CUX1: variants seen among roughly 807,000 people sequenced by gnomAD.
The protein encoded by CUX1 is protein CASP.
In CUX1, 31 loss-of-function variants were observed where a neutral mutation model predicts 158.8. The ratio of observed to expected loss-of-function variants is 0.20; its 90% CI spans 0.15 to 0.26. The LOEUF is 0.26. CUX1 is among the 10% of genes least tolerant of loss of function. The probability of loss-of-function intolerance (pLI) is 1.00; values close to 1 mark genes in which losing one functional copy is unlikely to be tolerated. For synonymous variants in CUX1, 879 were observed against 862.1 expected, an observed-to-expected ratio of 1.02 and a Z score of -0.34; for missense variants, 1,589 against 2,014.6, an observed-to-expected ratio of 0.79 and a Z score of 4.04.
At chr7:102,026,184 A>C (rs1178332887) in intron 2 of CUX1, among the ~76,000 whole-genome samples, 2 of 152,092 alleles carry the variant, frequency 1.3e-5, no homozygotes, top group Non-Finnish European at 2.9e-5. Flanking sequence ...GTCTCAAAAA[A>C]ACAAAAGCTT....
rs369812313 is a variant in CUX1 at position 101,830,903 on chromosome 7, G to A, written c.30+13234G>A. On this transcript the variant is annotated intron_variant, in intron 1 of 23. Transcript: ENST00000292535. The stretch of plus-strand genomic sequence containing the variant: ...TTCGAGTGAAGTTGTTGGCAGTTCC[G>A]TGTGTTTTGGGGTGATTCATTTTTT... Among the ~76,000 whole-genome samples, 311 of 152,236 alleles carry A rather than the reference G, an allele frequency of 2.0e-3. 2 individuals are homozygous for A. Among genetic ancestry groups the A allele is most frequent in the African/African-American group, 7.2e-3 (298 of 41,534 alleles).
At chr7:102,133,959 A>T (rs1353719042) in intron 8 of CUX1, among the ~76,000 whole-genome samples, 13 of 152,130 alleles carry the variant, frequency 8.5e-5, no homozygotes, top group African/African-American at 3.1e-4. Flanking sequence ...ATTCATCACT[A>T]CTTCAAAATG....
exon 20 of CUX1, chr7:102,280,815 G>T (rs782342345): frequency 1.9e-6 from 3 of 1,613,000 alleles, no homozygotes; most frequent in African/African-American, 2.7e-5. Flanking sequence ...AGCGGCAGAG[G>T]AAGTACCTGA....
rs1554510055 is a variant in CUX1 at position 102,170,411 on chromosome 7, G to T, written c.724-35G>T. 2.8e-6 allele frequency: 4 copies of T among 1,408,094 alleles called. No individual in the cohort carries two copies. In the Admixed American group the frequency reaches 8.2e-5, roughly 29 times the overall value. The allele number at this position is 1,408,094 out of a possible 1,614,324, so 87.2% of individuals were successfully genotyped here. ...ATAATTGTCAGTTGTTAAACTGAAT[G>T]TACTTTCTCTTTCACCCCTTTTCAT... On this transcript the variant is annotated intron_variant, in intron 9 of 23. Coordinates refer to ENST00000292535, the MANE Select transcript of CUX1 (RefSeq NM_181552.4).
At chr7:101,899,609 G>C (rs1478697554) in intron 1 of CUX1, among the ~76,000 whole-genome samples, 2 of 152,182 alleles carry the variant, frequency 1.3e-5, no homozygotes, top group Non-Finnish European at 2.9e-5. Flanking sequence ...CAGGTATAGA[G>C]AGATGTCCTT....
intron 2 of CUX1, among the ~76,000 whole-genome samples, chr7:101,988,210 CAA>C (rs5886211): frequency 1.4e-5 from 2 of 146,448 alleles, no homozygotes; most frequent in Non-Finnish European, 3.0e-5. Context: ...GAATCTGTTT[CAA>C]AAAAAAAAAG....
intron 17 of CUX1, among the ~76,000 whole-genome samples, chr7:102,200,646 T>C (rs1485931597): frequency 1.3e-5 from 2 of 149,836 alleles, no homozygotes; most frequent in African/African-American, 4.9e-5. Context: ...TGGCCCCTAG[T>C]TGTAATTATT....
At chr7:102,193,214 T>C (rs1184792400) in intron 12 of CUX1, among the ~76,000 whole-genome samples, 1 of 152,262 alleles carries the variant, frequency 6.6e-6, no homozygotes, top group Non-Finnish European at 1.5e-5. Context: ...CTCTGGCTTC[T>C]CCTTACAACT....
At chr7:101,977,946 A>G (rs890345740) in intron 2 of CUX1, among the ~76,000 whole-genome samples, 5 of 151,610 alleles carry the variant, frequency 3.3e-5, no homozygotes, top group Admixed American at 3.3e-4. Context: ...AGAGCAGACC[A>G]CTTTCCCCTT....
chr7:101,821,488 G>A (rs1431039683), intron 1 of CUX1, among the ~76,000 whole-genome samples: 4 of 151,172 alleles, frequency 2.6e-5, no homozygotes. Flanking sequence ...ACAGGCGCTG[G>A]CCACCAGGCC....
intron 2 of CUX1, among the ~76,000 whole-genome samples, chr7:101,992,018 T>A (rs2129244608): frequency 6.6e-6 from 1 of 152,282 alleles, no homozygotes; most frequent in African/African-American, 2.4e-5. Flanking sequence ...ATAGTGAGAT[T>A]CCGTTTCAAA....
intron 2 of CUX1, among the ~76,000 whole-genome samples, chr7:101,971,242 G>A (rs1277053257): frequency 6.6e-6 from 1 of 152,186 alleles, no homozygotes; most frequent in East Asian, 1.9e-4. Flanking sequence ...CTCCTGGCTG[G>A]TTGTGTTCTG....
At chr7:102,073,300 C>T (rs1050990678) in intron 4 of CUX1, among the ~76,000 whole-genome samples, 8 of 150,464 alleles carry the variant, frequency 5.3e-5, no homozygotes, top group Non-Finnish European at 1.2e-4. Flanking sequence ...CAGCCTCCCA[C>T]ATAGCTGTGA....
Position 102,248,822 on chromosome 7 carries a change from C to G in CUX1, c.4298C>G (p.Ala1433Gly), listed in dbSNP as rs782643537. The change falls in exon 24 of 24, where the codon GCG becomes GGG. Residue 1433 changes from alanine to glycine, a missense_variant. Coordinates refer to ENST00000292535, the MANE Select transcript of CUX1 (RefSeq NM_181552.4). This position sits in a 1 kb window ranked among gnomAD's most constrained non-coding sequence, Gnocchi z 5.8. ...SAAAAPGEGP[A>G]APSSAPPPSN... ...GCCGCCGCGCCGGGGGAGGGCCCCGCGGCCCCGAGCTCCGCGCCGCCGCCC... is the reference window on the plus strand; with the variant it reads ...GCCGCCGCGCCGGGGGAGGGCCCCGGGGCCCCGAGCTCCGCGCCGCCGCCC... 1.4e-4 allele frequency: 158 copies of G among 1,148,476 alleles called. 2 individuals are homozygous for G. In the Middle Eastern group the frequency reaches 3.7e-3, roughly 27 times the overall value. The allele number at this position is 1,148,476 out of a possible 1,614,324, so 71.1% of individuals were successfully genotyped here.
chr7:101,954,601 G>C (rs1163710720), intron 2 of CUX1, among the ~76,000 whole-genome samples: 1 of 151,702 alleles, frequency 6.6e-6, no homozygotes, highest in Non-Finnish European at 1.5e-5. Context: ...TTGAGTGCAG[G>C]AGTTTGAGAC....
intron 1 of CUX1, among the ~76,000 whole-genome samples, chr7:101,856,182 CAAAAAAAAAAAAA>C (rs768518044): frequency 2.1e-5 from 1 of 48,040 alleles, no homozygotes; most frequent in Non-Finnish European, 4.2e-5. Context: ...GACCCTGTCT[CAAAAAAAAAAAAA>C]AAAAAAAAAA....
intron 2 of CUX1, among the ~76,000 whole-genome samples, chr7:102,010,004 G>C (rs1045053571): frequency 2.0e-5 from 3 of 152,116 alleles, no homozygotes; most frequent in Non-Finnish European, 4.4e-5. Flanking sequence ...ATGAAAGAAA[G>C]GTTGCTCTGA....
chr7:101,871,481 C>T (rs1237753277), intron 1 of CUX1, among the ~76,000 whole-genome samples: 4 of 152,140 alleles, frequency 2.6e-5, no homozygotes, highest in African/African-American at 7.2e-5. Context: ...GCCTGCAGCA[C>T]AGCGAGCAGC....
chr7:101,825,752 TCTGTG>T (rs1459589829), intron 1 of CUX1, among the ~76,000 whole-genome samples: 1 of 126,440 alleles, frequency 7.9e-6, no homozygotes, highest in African/African-American at 3.2e-5. Context: ...CTTAATGAAA[TCTGTG>T]TGTGTGTGTG....
Sources: gnomAD v4.1 joint callset for allele counts (sites outside exome capture counted in the v4.1 genomes callset) on GRCh38, gnomAD v4.1.1 for gene constraint, Gnocchi (gnomAD v3.1) non-coding constraint, MANE v1.5 for transcripts, NCBI Gene and HGNC (gene_info 2026-07-23, HGNC 2026-07-21) for gene names.